The following STK3 variants were observed in gnomAD, a reference collection of about 807,000 sequenced individuals.
The protein encoded by STK3 is serine/threonine-protein kinase 3.
In STK3, 41 loss-of-function variants were observed where a neutral mutation model predicts 58.0. The observed-to-expected ratio is 0.71, with a 90% CI of 0.55 to 0.92. STK3 has a LOEUF of 0.92. Ranked by LOEUF, STK3 falls within the 40% of genes least tolerant of loss-of-function variation. The pLI, the probability that STK3 is intolerant of heterozygous loss-of-function variation, is 0.00. For missense variants in STK3, 479 were observed against 602.7 expected (o/e 0.79, Z 2.15); for synonymous variants, 170 against 191.0 (o/e 0.89, Z 0.91).
intron 1 of STK3, among the ~76,000 whole-genome samples, chr8:98,894,722 T>C (rs1197053876): frequency 6.6e-6 from 1 of 152,238 alleles, no homozygotes; most frequent in Non-Finnish European, 1.5e-5. Context: ...GCTCAATAAA[T>C]ATTTGTTCAA....
intron 3 of STK3, among the ~76,000 whole-genome samples, chr8:98,757,344 C>T (rs1830352710): frequency 6.6e-6 from 1 of 150,878 alleles, no homozygotes; most frequent in Non-Finnish European, 1.5e-5. Flanking sequence ...CCATGCCCGG[C>T]TAATTTTTGT....
intron 10 of STK3, among the ~76,000 whole-genome samples, chr8:98,498,479 G>A (rs992512946): frequency 1.3e-5 from 2 of 152,038 alleles, no homozygotes; most frequent in East Asian, 3.9e-4. Context: ...ACATGGCCCT[G>A]CCCTCCAAGA....
chr8:98,863,090 G>C (rs898541939), intron 3 of STK3, among the ~76,000 whole-genome samples: 1 of 152,202 alleles, frequency 6.6e-6, no homozygotes, highest in Non-Finnish European at 1.5e-5. Context: ...TGGAGACATG[G>C]TCGATTTCAG....
chr8:98,660,085 T>C (rs1015010087), intron 6 of STK3, among the ~76,000 whole-genome samples: 6 of 152,064 alleles, frequency 3.9e-5, no homozygotes, highest in African/African-American at 1.4e-4. Context: ...GAATATTATT[T>C]AGCCTTAAAA....
chr8:98,511,939 A>G (rs1459533997), intron 10 of STK3, among the ~76,000 whole-genome samples: 1 of 152,152 alleles, frequency 6.6e-6, no homozygotes, highest in Non-Finnish European at 1.5e-5. Context: ...CTGAAGTGAA[A>G]AAAATCCCAC....
the STK3 span, among the ~76,000 whole-genome samples, chr8:98,347,858 C>T: frequency 1.3e-5 from 2 of 152,026 alleles, no homozygotes; most frequent in Non-Finnish European, 2.9e-5. Context: ...AAAGATTCAT[C>T]ACAATTCAAA....
intron 3 of STK3, among the ~76,000 whole-genome samples, chr8:98,875,088 T>C (rs778739372): frequency 1.4e-4 from 22 of 152,224 alleles, no homozygotes; most frequent in Non-Finnish European, 5.9e-5. Context: ...TAAACCCATA[T>C]AGTATCAATG....
At position 98,428,789 on chromosome 8, in the gene STK3, C is replaced by G. The variant is rs192163240; in HGVS notation, n.483+5338G>C. On this transcript the variant is annotated intron_variant and non_coding_transcript_variant, in intron 3 of 3. Coordinates refer to the STK3 transcript ENST00000517832. This position sits in a 1 kb window ranked among gnomAD's most constrained non-coding sequence, Gnocchi z 6.7. ...TTATTGACCTCATGTCCATCGTCCC[C>G]TTTTACATCACTCTGGTGGTGAACC... The G allele has an allele frequency of 6.2e-7, 1 of 1,614,240 alleles. No individual in the cohort carries two copies. Among genetic ancestry groups the G allele is most frequent in the East Asian group, 2.2e-5 (1 of 44,882 alleles).
intron 6 of STK3, chr8:98,633,746 C>T: frequency 3.4e-6 from 2 of 596,232 alleles, no homozygotes; most frequent in South Asian, 1.9e-5. Context: ...ATCCAGAGTA[C>T]CAGCAAGAGC....
At chr8:98,716,587 A>G (rs1373431969) in intron 4 of STK3, among the ~76,000 whole-genome samples, 1 of 152,188 alleles carries the variant, frequency 6.6e-6, no homozygotes, top group East Asian at 1.9e-4. Flanking sequence ...TAATGTTTTT[A>G]AGATGCCCAT....
rs1273885503 is a variant in STK3 at position 98,585,115 on chromosome 8, C to T, written c.823-5326G>A. Among the ~76,000 whole-genome samples the T allele has an allele frequency of 2.0e-5, 3 of 151,448 alleles. No homozygotes were observed. In the East Asian group the frequency reaches 5.8e-4, roughly 29 times the overall value. ...TTTAGTTTAATTAGATCCCATTTGTCAATTTTGGCTTTTGTTGCCATTGCT... is the reference window on the plus strand; with the variant it reads ...TTTAGTTTAATTAGATCCCATTTGTTAATTTTGGCTTTTGTTGCCATTGCT... On this transcript the variant is annotated intron_variant, in intron 7 of 10. Coordinates refer to ENST00000419617, the MANE Select transcript of STK3 (RefSeq NM_006281.4).
chr8:98,790,626 T>C (rs929063783), intron 1 of STK3, among the ~76,000 whole-genome samples: 1 of 152,120 alleles, frequency 6.6e-6, no homozygotes, highest in Non-Finnish European at 1.5e-5. Context: ...ATGCCCACTC[T>C]CACCACTCCT....
At chr8:98,677,716 C>A (rs1823331000) in intron 6 of STK3, among the ~76,000 whole-genome samples, 1 of 152,144 alleles carries the variant, frequency 6.6e-6, no homozygotes, top group South Asian at 2.1e-4. Context: ...TATCTCCTTC[C>A]ACCAAATCTC....
intron 6 of STK3, among the ~76,000 whole-genome samples, chr8:98,631,549 C>A (rs1431413098): frequency 6.6e-6 from 1 of 152,202 alleles, no homozygotes; most frequent in Non-Finnish European, 1.5e-5. Context: ...TTAGACAGGC[C>A]TTTCTTGACC....
intron 3 of STK3, chr8:98,875,206 A>C (rs1489639686): frequency 6.6e-6 from 1 of 152,220 alleles, no homozygotes; most frequent in African/African-American, 2.4e-5. Flanking sequence ...TCCCATCAAT[A>C]GACCCAGACC....
At chr8:98,788,465 A>AC (rs200277541) in intron 1 of STK3, among the ~76,000 whole-genome samples, 94 of 151,734 alleles carry the variant, frequency 6.2e-4, no homozygotes, top group African/African-American at 2.1e-3. Context: ...AAACAAACAA[A>AC]AAAAAAAATA....
chr8:98,696,254 G>T (rs1023906714), intron 6 of STK3, among the ~76,000 whole-genome samples: 1 of 152,148 alleles, frequency 6.6e-6, no homozygotes, highest in African/African-American at 2.4e-5. Context: ...GGGAGATTTT[G>T]GGCTGAGACA....
rs1236883787 is a variant in STK3 at position 98,575,852 on chromosome 8, C to T, written c.948+3812G>A. Among the ~76,000 whole-genome samples the T allele has an allele frequency of 2.6e-5, 4 of 152,114 alleles. No homozygotes were observed. In the East Asian group the frequency reaches 7.7e-4, roughly 29 times the overall value. On this transcript the variant is annotated intron_variant, in intron 8 of 10. Coordinates refer to ENST00000419617, the MANE Select transcript of STK3 (RefSeq NM_006281.4). ...TCTCATTCTACAGGCTGTCTTTTCA[C>T]TTCTTGATAATTTATTCTCTTATGC...
chr8:98,527,624 A>T (rs1356816399), intron 9 of STK3, among the ~76,000 whole-genome samples: 3 of 152,126 alleles, frequency 2.0e-5, no homozygotes, highest in Non-Finnish European at 2.9e-5. Flanking sequence ...TGTTCAAATT[A>T]AAAAATATAT....
Sources: gnomAD v4.1 joint callset for allele counts (sites outside exome capture counted in the v4.1 genomes callset) on GRCh38, gnomAD v4.1.1 for gene constraint, Gnocchi (gnomAD v3.1) non-coding constraint, MANE v1.5 for transcripts, NCBI Gene and HGNC (gene_info 2026-07-23, HGNC 2026-07-21) for gene names.